MDFIC2: variants seen among roughly 807,000 people sequenced by gnomAD.
The protein encoded by MDFIC2 is MyoD family inhibitor domain containing 2, also known as myoD family inhibitor domain-containing protein 2.
chr3:70,266,004 A>G (rs6549315), intron 2 of MDFIC2, among the ~76,000 whole-genome samples: 151,232 of 152,288 alleles, frequency 0.99, 75,098 homozygotes, highest in Non-Finnish European at 1. Context: ...ATTTAGGTTG[A>G]GACACAAAGC....
At chr3:70,292,815 A>C (rs915842053) in intron 2 of MDFIC2, among the ~76,000 whole-genome samples, 2 of 152,004 alleles carry the variant, frequency 1.3e-5, no homozygotes, top group Admixed American at 6.5e-5. Context: ...TTGCAATAAA[A>C]ATTGCAGTTT....
intron 2 of MDFIC2, among the ~76,000 whole-genome samples, chr3:70,229,678 A>C (rs1001232437): frequency 7.2e-5 from 11 of 152,182 alleles, no homozygotes; most frequent in African/African-American, 2.4e-4. Context: ...GACAACTCTG[A>C]TGAGCCCCTA....
chr3:70,275,436 G>A (rs908110177), intron 2 of MDFIC2, among the ~76,000 whole-genome samples: 6 of 152,146 alleles, frequency 3.9e-5, no homozygotes, highest in Non-Finnish European at 8.8e-5. Context: ...GATTGCTTGA[G>A]CCCAGGAGGT....
chr3:70,274,094 C>A (rs62256478), intron 2 of MDFIC2, among the ~76,000 whole-genome samples: 3 of 51,252 alleles, frequency 5.9e-5, no homozygotes, highest in South Asian at 1.0e-3. Flanking sequence ...TGTGTGTGCG[C>A]GCGCGCATGT....
intron 2 of MDFIC2, among the ~76,000 whole-genome samples, chr3:70,269,846 C>T (rs577633442): frequency 6.6e-6 from 1 of 152,200 alleles, no homozygotes; most frequent in South Asian, 2.1e-4. Flanking sequence ...GCCATGATAA[C>T]ACTAAATATC....
intron 2 of MDFIC2, among the ~76,000 whole-genome samples, chr3:70,225,984 A>G (rs1701502831): frequency 1.3e-5 from 2 of 152,306 alleles, no homozygotes; most frequent in Admixed American, 1.3e-4. Context: ...AGGATGAGAC[A>G]TATTGCCTTA....
At chr3:70,251,277 C>G (rs1701765377) in intron 2 of MDFIC2, among the ~76,000 whole-genome samples, 1 of 152,154 alleles carries the variant, frequency 6.6e-6, no homozygotes, top group Admixed American at 6.5e-5. Flanking sequence ...TATCTGAGTT[C>G]TTAGAACTCA....
intron 2 of MDFIC2, among the ~76,000 whole-genome samples, chr3:70,222,611 G>C (rs1701471135): frequency 6.6e-6 from 1 of 152,012 alleles, no homozygotes; most frequent in Non-Finnish European, 1.5e-5. Context: ...AATTCCAAAA[G>C]AATAATACTT....
At chr3:70,220,955 T>C (rs370098108) in intron 2 of MDFIC2, among the ~76,000 whole-genome samples, 50 of 152,290 alleles carry the variant, frequency 3.3e-4, no homozygotes, top group Middle Eastern at 3.4e-3. Flanking sequence ...GTAGTAGCTA[T>C]GCATCAGCTT....
At chr3:70,302,110 C>G (rs954674889) in intron 2 of MDFIC2, among the ~76,000 whole-genome samples, 1 of 152,118 alleles carries the variant, frequency 6.6e-6, no homozygotes, top group Non-Finnish European at 1.5e-5. Flanking sequence ...AAGTTATACG[C>G]TGGCAAAACT....
chr3:70,286,412 A>G (rs1448637449), intron 2 of MDFIC2, among the ~76,000 whole-genome samples: 3 of 151,628 alleles, frequency 2.0e-5, no homozygotes, highest in East Asian at 1.9e-4. Context: ...TGTTCCATTG[A>G]TCTATATCTC....
chr3:70,227,103 G>GTTCC (rs1029532094), intron 2 of MDFIC2, among the ~76,000 whole-genome samples: 5 of 152,120 alleles, frequency 3.3e-5, no homozygotes, highest in African/African-American at 9.7e-5. Context: ...TTATATCCAA[G>GTTCC]TTCCCTTAAC....
At chr3:70,312,257 G>A (rs1211516320) in intron 1 of MDFIC2, among the ~76,000 whole-genome samples, 2 of 152,114 alleles carry the variant, frequency 1.3e-5, no homozygotes, top group South Asian at 4.1e-4. Flanking sequence ...TTAACAACTA[G>A]CCATGGATTT....
intron 2 of MDFIC2, among the ~76,000 whole-genome samples, chr3:70,232,492 C>T (rs1397966629): frequency 6.6e-6 from 1 of 151,856 alleles, no homozygotes; most frequent in Non-Finnish European, 1.5e-5. Context: ...CTCCGACTCC[C>T]GGGTTCAAGT....
intron 3 of MDFIC2, among the ~76,000 whole-genome samples, chr3:70,197,546 C>T (rs1324029052): frequency 1.3e-5 from 2 of 152,122 alleles, no homozygotes; most frequent in Non-Finnish European, 2.9e-5. Flanking sequence ...GCAGGGACTC[C>T]CCAAATACAA....
At chr3:70,282,347 T>A (rs1286691987) in intron 2 of MDFIC2, among the ~76,000 whole-genome samples, 2 of 152,122 alleles carry the variant, frequency 1.3e-5, no homozygotes, top group Non-Finnish European at 2.9e-5. Flanking sequence ...CCTATCAAAT[T>A]CCCAAATGCT....
At chr3:70,268,079 T>C (rs1277660096) in intron 2 of MDFIC2, among the ~76,000 whole-genome samples, 1 of 151,840 alleles carries the variant, frequency 6.6e-6, no homozygotes, top group Admixed American at 6.6e-5. Context: ...AGGACTTCAT[T>C]GTTTTTAGAG....
At position 70,199,492 on chromosome 3, in the gene MDFIC2, CT is replaced by C. The variant is rs1701214819; in HGVS notation, c.311-2308del. On this transcript the variant is annotated intron_variant, in intron 3 of 3. Transcript: ENST00000567252. Reference sequence around the variant, plus strand: ...ATTTTTTTCTGTTTCTAAGTCAGTCCTTTTTATTTGGTTTTAAAAGGCAGAG... The same window carrying C: ...ATTTTTTTCTGTTTCTAAGTCAGTCCTTTTATTTGGTTTTAAAAGGCAGAG... 2.6e-5 allele frequency among the ~76,000 whole-genome samples: 4 copies of C among 152,026 alleles called. No homozygotes were observed. The South Asian group carries it at 8.3e-4, about 32-fold the overall frequency.
At chr3:70,224,447 G>A (rs944359411) in intron 2 of MDFIC2, among the ~76,000 whole-genome samples, 2 of 152,138 alleles carry the variant, frequency 1.3e-5, no homozygotes, top group Admixed American at 6.5e-5. Context: ...ATAAAAGGTG[G>A]CCCTTTTTTA....
Sources: allele counts gnomAD v4.1 joint callset (sites outside exome capture counted in the v4.1 genomes callset), GRCh38; gene constraint gnomAD v4.1.1; transcripts MANE v1.5; gene names NCBI Gene and HGNC (gene_info 2026-07-23, HGNC 2026-07-21).